MAP2: variants seen among roughly 807,000 people sequenced by gnomAD.
MAP2 encodes the protein microtubule-associated protein 2.
In MAP2, 14 loss-of-function variants were observed where a neutral mutation model predicts 137.6. The ratio of observed to expected loss-of-function variants is 0.10; its 90% CI spans 0.07 to 0.16. MAP2 has a LOEUF of 0.16. Among genes scored for constraint, MAP2 ranks in the 10% least tolerant of loss-of-function variants. MAP2 has a pLI of 1.00. For missense variants in MAP2, 2,088 were observed against 2,191.5 expected (o/e 0.95, Z 0.94); for synonymous variants, 786 against 782.3 (o/e 1.00, Z -0.08).
chr2:209,624,112 A>G (rs1581089886), intron 3 of MAP2, among the ~76,000 whole-genome samples: 1 of 152,198 alleles, frequency 6.6e-6, no homozygotes, highest in African/African-American at 2.4e-5. Context: ...AGCCATCTGC[A>G]TCTTGTCTTT....
chr2:209,649,432 T>C (rs2094632121), intron 4 of MAP2, among the ~76,000 whole-genome samples: 1 of 152,168 alleles, frequency 6.6e-6, no homozygotes, highest in South Asian at 2.1e-4. Flanking sequence ...ATGTTGAAAA[T>C]ACCATTTTGA....
chr2:209,560,708 T>C (rs898008595), intron 2 of MAP2, among the ~76,000 whole-genome samples: 3 of 152,186 alleles, frequency 2.0e-5, no homozygotes, highest in African/African-American at 7.2e-5. Context: ...TTTAGATTTC[T>C]TGTGGGCAAA....
At chr2:209,449,465 C>A (rs1231578856) in intron 1 of MAP2, among the ~76,000 whole-genome samples, 1 of 152,054 alleles carries the variant, frequency 6.6e-6, no homozygotes, top group Non-Finnish European at 1.5e-5. Context: ...CTTTTCATGA[C>A]ATACCTATTG....
chr2:209,428,337 A>G, intron 1 of MAP2, among the ~76,000 whole-genome samples: 1 of 150,632 alleles, frequency 6.6e-6, no homozygotes, highest in East Asian at 1.9e-4. Context: ...AAAGTTTTAG[A>G]CAGTTTGTTT....
At chr2:209,468,978 C>T (rs1465726769) in intron 1 of MAP2, among the ~76,000 whole-genome samples, 1 of 152,128 alleles carries the variant, frequency 6.6e-6, no homozygotes. Flanking sequence ...CAAGATGATA[C>T]TATCAGGACC....
intron 3 of MAP2, among the ~76,000 whole-genome samples, chr2:209,602,891 C>T (rs1447469264): frequency 6.6e-6 from 1 of 152,162 alleles, no homozygotes; most frequent in Non-Finnish European, 1.5e-5. Flanking sequence ...GAAATAAGAG[C>T]TAGGCTTCAA....
intron 4 of MAP2, 95 bp from the exon 5 acceptor site, chr2:209,653,047 C>T: frequency 1.1e-6 from 1 of 914,778 alleles, no homozygotes; most frequent in Admixed American, 3.3e-5. Flanking sequence ...CATAGAAAGC[C>T]ACACGGTTTG....
At chr2:209,649,040 C>A (rs890065500) in intron 4 of MAP2, among the ~76,000 whole-genome samples, 2 of 151,904 alleles carry the variant, frequency 1.3e-5, no homozygotes, top group African/African-American at 4.8e-5. Flanking sequence ...TTATTTGTAT[C>A]TTTATTTGCT....
Position 209,678,780 on chromosome 2 carries a change from C to T in MAP2, c.376+95C>T, listed in dbSNP as rs544562734. ...TTCAAAAGATAGGCCATATCTTGTA[C>T]TTCATCCTTACATGTAACATTCATC... On this transcript the variant is annotated intron_variant, in intron 6 of 15. Transcript: ENST00000682079. The T allele has an allele frequency of 3.2e-5, 19 of 589,294 alleles. 1 individual carries two copies. The South Asian group carries it at 5.3e-4, about 16-fold the overall frequency. The allele number at this position is 589,294 out of a possible 1,614,324, so 36.5% of individuals were successfully genotyped here. A position where few individuals can be genotyped will look rare whatever the true frequency, so the allele number is the denominator to read the frequency against.
At chr2:209,714,261 GA>G (rs1466527638) in intron 13 of MAP2, among the ~76,000 whole-genome samples, 1 of 152,118 alleles carries the variant, frequency 6.6e-6, no homozygotes, top group Admixed American at 6.5e-5. Flanking sequence ...TGTAATAATT[GA>G]AAGTTACTAA....
intron 5 of MAP2, among the ~76,000 whole-genome samples, chr2:209,658,771 T>C (rs1007042297): frequency 1.3e-5 from 2 of 152,112 alleles, no homozygotes; most frequent in African/African-American, 2.4e-5. Flanking sequence ...CCTCCCAAAG[T>C]GCTGGGATTA....
At chr2:209,601,079 T>C (rs922264848) in intron 3 of MAP2, among the ~76,000 whole-genome samples, 8 of 152,174 alleles carry the variant, frequency 5.3e-5, no homozygotes, top group African/African-American at 1.9e-4. Flanking sequence ...TCAATAATAC[T>C]TACCTCATAG....
intron 1 of MAP2, among the ~76,000 whole-genome samples, chr2:209,487,803 T>C (rs1308674432): frequency 6.6e-6 from 1 of 152,218 alleles, no homozygotes; most frequent in African/African-American, 2.4e-5. Flanking sequence ...ATACTTCTTA[T>C]TGCTGTTTTT....
At chr2:209,602,589 A>G (rs2083318742) in intron 3 of MAP2, among the ~76,000 whole-genome samples, 1 of 152,244 alleles carries the variant, frequency 6.6e-6, no homozygotes. Flanking sequence ...AATCTTGATC[A>G]TTAATATCCA....
intron 2 of MAP2, among the ~76,000 whole-genome samples, chr2:209,526,886 G>C (rs1173920299): frequency 6.6e-6 from 1 of 152,016 alleles, no homozygotes; most frequent in African/African-American, 2.4e-5. Context: ...ATCCATGGCA[G>C]ATCTATGATG....
chr2:209,438,177 T>C (rs965574415), intron 1 of MAP2, among the ~76,000 whole-genome samples: 3 of 151,672 alleles, frequency 2.0e-5, no homozygotes, highest in Admixed American at 6.6e-5. Flanking sequence ...AGTTCAATTT[T>C]ATTTTCCCAT....
At chr2:209,573,325 A>T (rs1189435567) in intron 2 of MAP2, among the ~76,000 whole-genome samples, 13 of 69,496 alleles carry the variant, frequency 1.9e-4, no homozygotes, top group Admixed American at 4.3e-4. Flanking sequence ...GAGGAGTCTT[A>T]CTCTATTGCC....
intron 2 of MAP2, among the ~76,000 whole-genome samples, chr2:209,524,314 T>G (rs768386029): frequency 9.9e-5 from 15 of 152,094 alleles, no homozygotes; most frequent in Admixed American, 3.9e-4. Flanking sequence ...GTTTCTTTAG[T>G]CTTTTTCTTT....
In MAP2 at chr2:209,594,197, G is replaced by C. The variant is rs926222980; in HGVS notation, c.-107+14097G>C. 6.7e-5 allele frequency among the ~76,000 whole-genome samples: 10 copies of C among 150,178 alleles called. 1 individual carries two copies. The South Asian group carries it at 2.1e-3, about 32-fold the overall frequency. On this transcript the variant is annotated intron_variant, in intron 3 of 15. Transcript: ENST00000682079. The stretch of plus-strand genomic sequence containing the variant: ...AGTATGGAGCAACAGCTGGCAAGCT[G>C]GCAATGAGCAGGGTAAGATCTTTGC...
Sources: gnomAD v4.1 joint callset for allele counts (sites outside exome capture counted in the v4.1 genomes callset) on GRCh38, gnomAD v4.1.1 for gene constraint, MANE v1.5 for transcripts, NCBI Gene and HGNC (gene_info 2026-07-23, HGNC 2026-07-21) for gene names.